Variants in ARID1B observed in about 807,000 individuals in gnomAD.
ARID1B encodes the protein AT-rich interactive domain-containing protein 1B.
A neutral mutation model predicts 212.3 loss-of-function variants in ARID1B; 30 were observed. The ratio of observed to expected loss-of-function variants is 0.14; its 90% CI spans 0.11 to 0.19. ARID1B has a LOEUF of 0.19. Among genes scored for constraint, ARID1B ranks in the 10% least tolerant of loss-of-function variants. The pLI, the probability that ARID1B is intolerant of heterozygous loss-of-function variation, is 1.00. For missense variants in ARID1B, 2,891 were observed against 3,204.0 expected (o/e 0.90, Z 2.36); for synonymous variants, 1,402 against 1,301.7 (o/e 1.08, Z -1.66).
intron 4 of ARID1B, among the ~76,000 whole-genome samples, chr6:157,061,377 C>T (rs749811101): frequency 1.3e-5 from 2 of 152,146 alleles, no homozygotes; most frequent in Non-Finnish European, 2.9e-5. Context: ...GTACGGAGCA[C>T]ATGGAAGTGC....
intron 4 of ARID1B, among the ~76,000 whole-genome samples, chr6:157,057,271 C>T (rs1332259309): frequency 6.6e-6 from 1 of 152,158 alleles, no homozygotes; most frequent in Non-Finnish European, 1.5e-5. Context: ...GTTGGGATTA[C>T]AGGCGTGAGC....
intron 4 of ARID1B, among the ~76,000 whole-genome samples, chr6:157,042,933 T>A (rs548567506): frequency 2.0e-4 from 31 of 152,198 alleles, no homozygotes; most frequent in Non-Finnish European, 3.1e-4. Context: ...AGTGCTGGGA[T>A]TACAGGCATG....
intron 1 of ARID1B, 81 bp from the exon 2 acceptor site, chr6:156,829,146 T>C (rs1782961877): frequency 9.1e-7 from 1 of 1,100,070 alleles, no homozygotes; most frequent in Admixed American, 2.2e-5. Context: ...GTGTTATTAA[T>C]GCATATGTTG....
chr6:157,007,279 T>A (rs2128445028), intron 4 of ARID1B, among the ~76,000 whole-genome samples: 1 of 152,354 alleles, frequency 6.6e-6, no homozygotes, highest in East Asian at 1.9e-4. Context: ...AAATTTAAAT[T>A]CAGGAATTTC....
intron 2 of ARID1B, among the ~76,000 whole-genome samples, chr6:156,832,931 T>C (rs1783245087): frequency 6.6e-6 from 1 of 152,174 alleles, no homozygotes; most frequent in Admixed American, 6.5e-5. Context: ...TGGAACTAGA[T>C]TTGTGGTCTT....
intron 4 of ARID1B, among the ~76,000 whole-genome samples, chr6:157,035,420 G>T (rs940643264): frequency 1.2e-4 from 18 of 152,182 alleles, no homozygotes; most frequent in African/African-American, 4.1e-4. Flanking sequence ...TTGATTAGAG[G>T]TTTTAATTTA....
chr6:157,102,978 A>G (rs911304898), intron 5 of ARID1B, among the ~76,000 whole-genome samples: 21 of 151,964 alleles, frequency 1.4e-4, no homozygotes, highest in Admixed American at 6.5e-4. Flanking sequence ...AATTCAGACA[A>G]CCACCTGTTT....
chr6:157,175,052 T>G (rs773707037), intron 11 of ARID1B, 47 bp downstream of exon 11: 18 of 1,303,574 alleles, frequency 1.4e-5, no homozygotes, highest in African/African-American at 6.1e-5. Flanking sequence ...TTTGTTTTTT[T>G]GGGGTTTTTT....
intron 4 of ARID1B, among the ~76,000 whole-genome samples, chr6:157,045,593 A>C (rs1782181084): frequency 6.6e-6 from 1 of 152,164 alleles, no homozygotes; most frequent in South Asian, 2.1e-4. Flanking sequence ...TTACTTGGCT[A>C]ACTCTCTGAG....
intron 4 of ARID1B, among the ~76,000 whole-genome samples, chr6:156,952,766 C>G (rs989209200): frequency 2.0e-5 from 3 of 152,174 alleles, no homozygotes; most frequent in Non-Finnish European, 2.9e-5. Flanking sequence ...CAAGAGAATT[C>G]AACAGAAAGA....
intron 2 of ARID1B, among the ~76,000 whole-genome samples, chr6:156,846,466 A>T (rs937637861): frequency 1.6e-4 from 25 of 151,734 alleles, no homozygotes; most frequent in African/African-American, 5.8e-4. Flanking sequence ...GCCTGGCCAG[A>T]GGCCTTCTTG....
At chr6:156,990,963 G>A (rs879796941) in intron 4 of ARID1B, among the ~76,000 whole-genome samples, 3 of 152,102 alleles carry the variant, frequency 2.0e-5, no homozygotes, top group East Asian at 1.9e-4. Context: ...ATTGATTGAG[G>A]GTTTACTTAT....
At chr6:156,926,801 C>T (rs1439677659) in intron 3 of ARID1B, among the ~76,000 whole-genome samples, 2 of 152,168 alleles carry the variant, frequency 1.3e-5, no homozygotes, top group African/African-American at 4.8e-5. Flanking sequence ...CCTGCCTCAG[C>T]TTCCCGAGTA....
intron 2 of ARID1B, among the ~76,000 whole-genome samples, chr6:156,882,255 C>T (rs1185319604): frequency 1.3e-5 from 2 of 152,254 alleles, no homozygotes; most frequent in African/African-American, 2.4e-5. Context: ...GACCCATTTC[C>T]GCCCAGCTCC....
intron 2 of ARID1B, among the ~76,000 whole-genome samples, chr6:156,848,806 T>C (rs2128103171): frequency 6.6e-6 from 1 of 152,264 alleles, no homozygotes; most frequent in East Asian, 1.9e-4. Context: ...AGACCAGAAG[T>C]GTGGGGAGGC....
chr6:156,825,119 C>T (rs1782653758), intron 1 of ARID1B, among the ~76,000 whole-genome samples: 1 of 152,168 alleles, frequency 6.6e-6, no homozygotes, highest in Non-Finnish European at 1.5e-5. Context: ...CCTGCCTCAG[C>T]CTCCCGAAGT....
At chr6:157,040,702 T>G (rs1303697631) in intron 4 of ARID1B, among the ~76,000 whole-genome samples, 3 of 152,244 alleles carry the variant, frequency 2.0e-5, no homozygotes, top group Non-Finnish European at 4.4e-5. Flanking sequence ...AAAACTATCA[T>G]GACTAGCAAG....
chr6:156,783,642 A>AC (rs1315888919), intron 1 of ARID1B, among the ~76,000 whole-genome samples: 1 of 152,192 alleles, frequency 6.6e-6, no homozygotes, highest in African/African-American at 2.4e-5. Context: ...CATTTATTTA[A>AC]CCCTACCCTT....
At chr6:156,994,693 G>A (rs1395161336) in intron 4 of ARID1B, among the ~76,000 whole-genome samples, 5 of 152,110 alleles carry the variant, frequency 3.3e-5, no homozygotes, top group Admixed American at 3.3e-4. Context: ...AATTCTCAAC[G>A]GTTCCCTCCA....
Sources: allele counts gnomAD v4.1 joint callset (sites outside exome capture counted in the v4.1 genomes callset), GRCh38; gene constraint gnomAD v4.1.1; transcripts MANE v1.5; gene names NCBI Gene and HGNC (gene_info 2026-07-23, HGNC 2026-07-21).